DDHD1: variants seen among roughly 807,000 people sequenced by gnomAD.
DDHD1 encodes the protein phospholipase DDHD1.
DDHD1 carries 49 observed loss-of-function variants against 96.4 expected under a neutral mutation model. The ratio of observed to expected loss-of-function variants is 0.51; its 90% CI spans 0.40 to 0.64. The LOEUF is 0.64. Among genes scored for constraint, DDHD1 ranks in the 30% least tolerant of loss-of-function variants. The pLI is 0.00. For synonymous variants in DDHD1, 442 were observed against 446.5 expected (o/e 0.99, Z 0.13); for missense variants, 1,106 against 1,161.2 (o/e 0.95, Z 0.69).
rs1461575050 is a variant in DDHD1 at position 53,055,279 on chromosome 14, G to C, written c.2245+381C>G. On this transcript the variant is annotated intron_variant, in intron 10 of 12. Coordinates refer to ENST00000673822, the MANE Select transcript of DDHD1 (RefSeq NM_001160148.2). ...TGAGAGACTTTTAGAATAGATCAGA[G>C]AACTGGTTGACAGGGAGCACCCTCT... 2.6e-5 allele frequency among the ~76,000 whole-genome samples: 4 copies of C among 152,226 alleles called. No individual in the cohort carries two copies. The East Asian group carries it at 7.7e-4, about 29-fold the overall frequency.
chr14:53,117,924 C>T (rs1050454742), intron 1 of DDHD1, among the ~76,000 whole-genome samples: 2 of 152,178 alleles, frequency 1.3e-5, no homozygotes, highest in Non-Finnish European at 2.9e-5. Context: ...ACACCTCAAA[C>T]AGGCGGGTGC....
chr14:53,045,039 C>G lies in DDHD1; in HGVS notation c.*1729G>C, dbSNP rs1881914504. ...GGCTACTGATCCCCTCTAGGTAACT[C>G]CTCTTTTGTGTGAGAATCCAAGAAC... is the stretch of plus-strand genomic sequence containing the variant. On this transcript the variant is annotated 3_prime_UTR_variant, in exon 13 of 13. Coordinates refer to ENST00000673822, the MANE Select transcript of DDHD1 (RefSeq NM_001160148.2). 1 of 152,182 alleles carries G rather than the reference C, an allele frequency of 6.6e-6. No homozygotes were observed. Among genetic ancestry groups the G allele is most frequent in the Non-Finnish European group, 1.5e-5 (1 of 68,036 alleles). 9.4% of individuals were successfully genotyped at this position (152,182 alleles called of 1,614,324 possible). A position where few individuals can be genotyped will look rare whatever the true frequency, so the allele number is the denominator to read the frequency against.
At chr14:53,094,917 A>C (rs1222721982) in intron 2 of DDHD1, among the ~76,000 whole-genome samples, 2 of 151,884 alleles carry the variant, frequency 1.3e-5, no homozygotes, top group African/African-American at 4.8e-5. Flanking sequence ...ATGAGGCCTT[A>C]AAAAAATTCC....
chr14:53,096,089 T>A, intron 2 of DDHD1: 1 of 954,696 alleles, frequency 1.0e-6, no homozygotes, highest in Non-Finnish European at 1.2e-6. Flanking sequence ...TATAACTACA[T>A]GGAGAAATAA....
chr14:53,140,246 T>G (rs1355703368), intron 1 of DDHD1, among the ~76,000 whole-genome samples: 2 of 152,108 alleles, frequency 1.3e-5, no homozygotes, highest in Non-Finnish European at 2.9e-5. Context: ...TCAAAAAGCT[T>G]AGAAAGGCCT....
At chr14:53,098,514 C>T (rs1345045467) in intron 2 of DDHD1, among the ~76,000 whole-genome samples, 3 of 152,004 alleles carry the variant, frequency 2.0e-5, no homozygotes, top group Admixed American at 2.0e-4. Flanking sequence ...TTACACATCT[C>T]TAACCTGCCA....
chr14:53,137,913 A>G (rs553474388), intron 1 of DDHD1, among the ~76,000 whole-genome samples: 19 of 152,082 alleles, frequency 1.2e-4, no homozygotes, highest in Middle Eastern at 6.8e-3. Flanking sequence ...GCTGTCAGGG[A>G]AAAAAAAGCT....
chr14:53,152,124 A>AGTGTGTAG, intron 1 of DDHD1, 137 bp downstream of exon 1: 3 of 842,766 alleles, frequency 3.6e-6, no homozygotes, highest in South Asian at 2.4e-5. Context: ...CTCCCTGCTC[A>AGTGTGTAG]ATCTCCATCC....
chr14:53,152,167 C>A (rs1368908137), intron 1 of DDHD1, 94 bp downstream of exon 1: 5 of 1,299,630 alleles, frequency 3.8e-6, no homozygotes, highest in Non-Finnish European at 5.2e-6. Context: ...TCACGCGCCT[C>A]CCTCTTCGCG....
intron 1 of DDHD1, among the ~76,000 whole-genome samples, chr14:53,108,435 G>C (rs1221393896): frequency 1.3e-5 from 2 of 152,190 alleles, no homozygotes; most frequent in Non-Finnish European, 2.9e-5. Context: ...GTCAGAGAAC[G>C]TGAGACTTGC....
chr14:53,116,536 G>C (rs1344551657), intron 1 of DDHD1, among the ~76,000 whole-genome samples: 1 of 152,162 alleles, frequency 6.6e-6, no homozygotes, highest in Admixed American at 6.6e-5. Flanking sequence ...TCAGACCACA[G>C]TGCAATCAAA....
intron 5 of DDHD1, among the ~76,000 whole-genome samples, chr14:53,073,285 A>G (rs1250296206): frequency 6.6e-6 from 1 of 152,070 alleles, no homozygotes; most frequent in Non-Finnish European, 1.5e-5. Flanking sequence ...CAGCCCAGGG[A>G]ATGTACGAAA....
intron 1 of DDHD1, among the ~76,000 whole-genome samples, chr14:53,105,227 G>A (rs1456376264): frequency 1.3e-5 from 2 of 151,688 alleles, no homozygotes; most frequent in African/African-American, 4.8e-5. Flanking sequence ...CAGTATAAGT[G>A]AACACTCCTA....
Position 53,152,375 on chromosome 14 carries a change from T to C in DDHD1, c.724A>G (p.Thr242Ala), listed in dbSNP as rs1292425534. ...DRACGFCQSTTGHEPEMVELV... is the reference protein window; with the variant it reads ...DRACGFCQSTAGHEPEMVELV... ...TCCACCATCTCCGGCTCGTGCCCCG[T>C]CGTACTCTGGCAGAAGCCGCAGGCG... Residue 242 changes from threonine to alanine, a missense_variant, in exon 1 of 13, where the codon ACG becomes GCG. By Grantham distance (58) the Thr-to-Ala change is moderately conservative. Coordinates refer to ENST00000673822, the MANE Select transcript of DDHD1 (RefSeq NM_001160148.2). 6.2e-7 allele frequency: 1 copy of C among 1,613,762 alleles called. No homozygotes were observed. The highest frequency in any genetic ancestry group is 1.7e-5 in the Admixed American group (1 of 60,024).
intron 1 of DDHD1, among the ~76,000 whole-genome samples, chr14:53,129,354 C>T (rs755494027): frequency 3.9e-5 from 6 of 152,194 alleles, no homozygotes; most frequent in African/African-American, 9.6e-5. Context: ...CAACCTCTCT[C>T]GCTATCCCTC....
chr14:53,069,862 G>C (rs912828678), intron 6 of DDHD1, among the ~76,000 whole-genome samples: 2 of 152,100 alleles, frequency 1.3e-5, no homozygotes, highest in African/African-American at 4.8e-5. Context: ...ATGAATCTCA[G>C]TCACCAGTTC....
At chr14:53,113,686 G>C (rs183523013) in intron 1 of DDHD1, among the ~76,000 whole-genome samples, 1 of 152,304 alleles carries the variant, frequency 6.6e-6, no homozygotes, top group Admixed American at 6.5e-5. Flanking sequence ...GAGGGACTGT[G>C]CTACCCAGCT....
At chr14:53,107,943 C>T (rs1474195751) in intron 1 of DDHD1, among the ~76,000 whole-genome samples, 2 of 152,170 alleles carry the variant, frequency 1.3e-5, no homozygotes, top group African/African-American at 4.8e-5. Flanking sequence ...TCATCTATTG[C>T]CTGAGAGCAC....
intron 1 of DDHD1, among the ~76,000 whole-genome samples, chr14:53,146,185 A>G (rs1360295879): frequency 1.3e-5 from 2 of 151,382 alleles, no homozygotes; most frequent in Non-Finnish European, 2.9e-5. Flanking sequence ...CAGCCTGGGC[A>G]AATAAGAGTG....
Sources: gnomAD v4.1 joint callset for allele counts (sites outside exome capture counted in the v4.1 genomes callset) on GRCh38, gnomAD v4.1.1 for gene constraint, MANE v1.5 for transcripts, NCBI Gene and HGNC (gene_info 2026-07-23, HGNC 2026-07-21) for gene names.